LDLRAD4: variants seen among roughly 807,000 people sequenced by gnomAD.
LDLRAD4 encodes the protein low-density lipoprotein receptor class A domain-containing protein 4.
LDLRAD4 carries 5 observed loss-of-function variants against 17.0 expected under a neutral mutation model. The ratio of observed to expected loss-of-function variants is 0.29; its 90% CI spans 0.15 to 0.62. The LOEUF is 0.62. Among genes scored for constraint, LDLRAD4 ranks in the 20% least tolerant of loss-of-function variants. The pLI is 0.84. For missense variants in LDLRAD4, 340 were observed against 424.7 expected, an observed-to-expected ratio of 0.80 and a Z score of 1.75; for synonymous variants, 168 against 171.8, an observed-to-expected ratio of 0.98 and a Z score of 0.17.
chr18:13,612,752 C>T (rs1395267727), intron 3 of LDLRAD4: 1 of 1,613,864 alleles, frequency 6.2e-7, no homozygotes, highest in South Asian at 1.1e-5. Context: ...AGGCTCAGTT[C>T]AAAGACCTGT....
At chr18:13,593,712 C>T (rs964975884) in intron 3 of LDLRAD4, among the ~76,000 whole-genome samples, 1 of 152,204 alleles carries the variant, frequency 6.6e-6, no homozygotes, top group Admixed American at 6.5e-5. Context: ...GCCTCAGCCT[C>T]CTAAGTAGTT....
At chr18:13,266,338 C>T (rs998562711) in intron 1 of LDLRAD4, among the ~76,000 whole-genome samples, 2 of 152,298 alleles carry the variant, frequency 1.3e-5, no homozygotes, top group African/African-American at 2.4e-5. Flanking sequence ...GAGGGCAGGG[C>T]GTGGCTTCAT....
chr18:13,291,468 G>A lies in LDLRAD4; in HGVS notation c.-383+13280G>A, dbSNP rs545194257. On this transcript the variant is annotated intron_variant, in intron 1 of 5. Transcript: ENST00000359446. ...AGTTGCAGAGGGTGAGGCGCAGATG[G>A]CTGTGATGATCGGGCTGTGGTTGCA... Among the ~76,000 whole-genome samples the A allele has an allele frequency of 9.1e-4, 139 of 152,328 alleles. No homozygotes were observed. The South Asian group carries it at 0.028, about 31-fold the overall frequency.
chr18:13,271,547 C>A (rs557860966), intron 1 of LDLRAD4, among the ~76,000 whole-genome samples: 1 of 152,318 alleles, frequency 6.6e-6, no homozygotes, highest in Non-Finnish European at 1.5e-5. Flanking sequence ...CAGTGTTCTT[C>A]CCCTTGTGAT....
intron 1 of LDLRAD4, among the ~76,000 whole-genome samples, chr18:13,338,099 C>T (rs999673935): frequency 1.3e-5 from 2 of 152,196 alleles, no homozygotes; most frequent in Non-Finnish European, 2.9e-5. Flanking sequence ...TTTCCCTTCT[C>T]CTTACTGCTG....
intron 1 of LDLRAD4, among the ~76,000 whole-genome samples, chr18:13,346,731 T>C (rs1160107986): frequency 6.6e-6 from 1 of 152,204 alleles, no homozygotes; most frequent in East Asian, 1.9e-4. Flanking sequence ...TGTAGGTCTC[T>C]AAGGACTTGC....
chr18:13,365,215 G>A (rs907810899), intron 1 of LDLRAD4, among the ~76,000 whole-genome samples: 2 of 152,226 alleles, frequency 1.3e-5, no homozygotes, highest in African/African-American at 4.8e-5. Flanking sequence ...CACCGTCCGT[G>A]CTTCCAGCAT....
intron 2 of LDLRAD4, among the ~76,000 whole-genome samples, chr18:13,409,727 A>T (rs1045284349): frequency 6.6e-6 from 1 of 152,214 alleles, no homozygotes; most frequent in Admixed American, 6.5e-5. Flanking sequence ...CAGTTAGTAC[A>T]TGTAGAAGAA....
intron 3 of LDLRAD4, among the ~76,000 whole-genome samples, chr18:13,445,542 G>A (rs757658787): frequency 1.5e-5 from 2 of 129,506 alleles, no homozygotes; most frequent in Non-Finnish European, 3.6e-5. Flanking sequence ...GTGCATCTGT[G>A]TACATGTCTA....
At chr18:13,472,223 C>A (rs1360223862) in intron 3 of LDLRAD4, 1 of 152,334 alleles carries the variant, frequency 6.6e-6, no homozygotes, top group Non-Finnish European at 1.5e-5. Context: ...TCTTTGAAGT[C>A]CCTGCAACCA....
intron 1 of LDLRAD4, among the ~76,000 whole-genome samples, chr18:13,294,993 T>C (rs1465828016): frequency 1.3e-5 from 2 of 152,088 alleles, no homozygotes; most frequent in Non-Finnish European, 2.9e-5. Flanking sequence ...AAGGACTTTG[T>C]AGTATCAAGC....
At chr18:13,625,568 T>C (rs73415943) in intron 4 of LDLRAD4, among the ~76,000 whole-genome samples, 3,950 of 152,248 alleles carry the variant, frequency 0.026, 166 homozygotes, top group African/African-American at 0.089. Context: ...TGAGAAGTGG[T>C]GACTGCCCCG....
intron 1 of LDLRAD4, among the ~76,000 whole-genome samples, chr18:13,340,999 A>G (rs1481726481): frequency 6.6e-6 from 1 of 152,118 alleles, no homozygotes; most frequent in Admixed American, 6.6e-5. Flanking sequence ...TTCCCGTTGA[A>G]TGGCCCTGGC....
intron 1 of LDLRAD4, among the ~76,000 whole-genome samples, chr18:13,224,456 T>A (rs913496720): frequency 4.0e-5 from 6 of 149,564 alleles, no homozygotes; most frequent in African/African-American, 1.2e-4. Flanking sequence ...AAGAGCACTA[T>A]AGTTTCTTTC....
intron 3 of LDLRAD4, chr18:13,486,743 A>T (rs1179766043): frequency 6.6e-6 from 1 of 152,238 alleles, no homozygotes; most frequent in Non-Finnish European, 1.5e-5. Flanking sequence ...CACTTGTGTG[A>T]AATACCACTG....
At chr18:13,349,712 C>T (rs1047944645) in intron 1 of LDLRAD4, among the ~76,000 whole-genome samples, 1 of 152,110 alleles carries the variant, frequency 6.6e-6, no homozygotes, top group South Asian at 2.1e-4. Flanking sequence ...GTTTGCTGCA[C>T]CTATCAACCT....
chr18:13,350,770 C>T (rs924046578), intron 1 of LDLRAD4, among the ~76,000 whole-genome samples: 2 of 152,148 alleles, frequency 1.3e-5, no homozygotes, highest in African/African-American at 4.8e-5. Flanking sequence ...TGAGGTTTTA[C>T]ATTTAAGTTT....
intron 3 of LDLRAD4, among the ~76,000 whole-genome samples, chr18:13,481,039 G>A (rs1401895993): frequency 2.0e-5 from 3 of 152,226 alleles, no homozygotes; most frequent in African/African-American, 7.2e-5. Flanking sequence ...GGATGCACAT[G>A]TCCTAGGGAC....
At chr18:13,529,247 A>G (rs1443904682) in intron 3 of LDLRAD4, among the ~76,000 whole-genome samples, 1 of 152,196 alleles carries the variant, frequency 6.6e-6, no homozygotes, top group Non-Finnish European at 1.5e-5. Context: ...CCCATGTACC[A>G]TAGTGGTGAC....
Sources: allele counts gnomAD v4.1 joint callset (sites outside exome capture counted in the v4.1 genomes callset), GRCh38; gene constraint gnomAD v4.1.1; transcripts MANE v1.5; gene names NCBI Gene and HGNC (gene_info 2026-07-23, HGNC 2026-07-21).